Variants in FGD4 observed in about 807,000 individuals in gnomAD.
The protein encoded by FGD4 is FYVE, RhoGEF and PH domain-containing protein 4.
Under a neutral mutation model 102.0 loss-of-function variants are expected in FGD4, and 42 were observed. The observed-to-expected ratio is 0.41, with a 90% CI of 0.32 to 0.53. The LOEUF is 0.53. Ranked by LOEUF, FGD4 falls within the 20% of genes least tolerant of loss-of-function variation. The pLI, the probability that FGD4 is intolerant of heterozygous loss-of-function variation, is 0.21. For missense variants in FGD4, 902 were observed against 1,078.2 expected (o/e 0.84, Z 2.29); for synonymous variants, 380 against 375.7 (o/e 1.01, Z -0.13).
intron 1 of FGD4, among the ~76,000 whole-genome samples, chr12:32,453,220 A>ATATATATTTTATATAT (rs1391496111): frequency 1.9e-5 from 1 of 52,782 alleles, no homozygotes; most frequent in Non-Finnish European, 3.7e-5. Flanking sequence ...ATATATATAT[A>ATATATATTTTATATAT]ATATAGATAT....
At chr12:32,588,304 C>T (rs1416874637) in intron 4 of FGD4, among the ~76,000 whole-genome samples, 2 of 152,000 alleles carry the variant, frequency 1.3e-5, no homozygotes, top group Admixed American at 6.6e-5. Context: ...GGCAAGGCAC[C>T]GCAGTAAATA....
chr12:32,571,855 G>A (rs967212828), intron 2 of FGD4, among the ~76,000 whole-genome samples: 1 of 152,080 alleles, frequency 6.6e-6, no homozygotes, highest in Admixed American at 6.5e-5. Context: ...CATAGGGGGT[G>A]GGAGAGTAGA....
intron 1 of FGD4, among the ~76,000 whole-genome samples, chr12:32,559,424 A>G (rs1042255323): frequency 7.9e-5 from 12 of 152,088 alleles, no homozygotes; most frequent in Non-Finnish European, 5.9e-5. Flanking sequence ...TGTATTTGTC[A>G]TTGCCTTTTT....
At chr12:32,481,745 T>C (rs1943772259) in intron 1 of FGD4, among the ~76,000 whole-genome samples, 1 of 150,470 alleles carries the variant, frequency 6.6e-6, no homozygotes, top group South Asian at 2.1e-4. Flanking sequence ...CTCTTGAACC[T>C]GGGAGGCAGA....
intron 1 of FGD4, among the ~76,000 whole-genome samples, chr12:32,461,613 G>T (rs1390258556): frequency 6.6e-6 from 1 of 152,170 alleles, no homozygotes; most frequent in African/African-American, 2.4e-5. Flanking sequence ...CTTCCAGGGA[G>T]AATTTCAAGA....
rs181164841 is a variant in FGD4, at chr12:32,482,003, G to A, written c.166+82044G>A. 2.8e-4 allele frequency among the ~76,000 whole-genome samples: 43 copies of A among 152,238 alleles called. No individual in the cohort carries two copies. In the East Asian group the frequency reaches 8.3e-3, roughly 29 times the overall value. ...AATAAAACCCTCTATAGTAGTGCCAGTTGTCACATGTCTTGGTACCTACAC... is the reference window on the plus strand; with the variant it reads ...AATAAAACCCTCTATAGTAGTGCCAATTGTCACATGTCTTGGTACCTACAC... On this transcript the variant is annotated intron_variant, in intron 1 of 16. Coordinates refer to ENST00000534526, the MANE Select transcript of FGD4 (RefSeq NM_001370298.3).
chr12:32,500,579 G>A (rs60069665), intron 1 of FGD4, among the ~76,000 whole-genome samples: 19,307 of 151,660 alleles, frequency 0.13, 2,529 homozygotes, highest in African/African-American at 0.33. Context: ...GACTACAGGC[G>A]CCCGCCACCA....
intron 9 of FGD4, 113 bp from the exon 10 acceptor site, chr12:32,611,024 G>A: frequency 7.4e-7 from 1 of 1,346,378 alleles, no homozygotes; most frequent in Non-Finnish European, 1.0e-6. Flanking sequence ...ATATTAAAAT[G>A]TATGCTTACT....
intron 1 of FGD4, among the ~76,000 whole-genome samples, chr12:32,523,330 G>C (rs1940747520): frequency 1.3e-5 from 2 of 152,202 alleles, no homozygotes; most frequent in South Asian, 4.1e-4. Context: ...ATATTTTTAA[G>C]TGTGTGGTTC....
chr12:32,587,923 G>A (rs962314681), intron 4 of FGD4, among the ~76,000 whole-genome samples: 2 of 152,232 alleles, frequency 1.3e-5, no homozygotes, highest in Non-Finnish European at 2.9e-5. Flanking sequence ...AGAATGTTAA[G>A]AGGATGGTGC....
At chr12:32,460,261 G>A (rs79205360) in intron 1 of FGD4, among the ~76,000 whole-genome samples, 2 of 152,004 alleles carry the variant, frequency 1.3e-5, no homozygotes, top group Non-Finnish European at 2.9e-5. Context: ...CCTGTAATCC[G>A]AGGACTTTGA....
At position 32,636,616 on chromosome 12, in the gene FGD4, C is replaced by T. The variant is rs113975464; in HGVS notation, c.2314-2039C>T. Among the ~76,000 whole-genome samples, 359 of 151,762 alleles carry T rather than the reference C, an allele frequency of 2.4e-3. 2 individuals are homozygous for T. Among genetic ancestry groups the T allele is most frequent in the African/African-American group, 8.1e-3 (336 of 41,388 alleles). Reference sequence around the variant, plus strand: ...CAGATCAGTGTTTTTGTAAAATACACTGTAATGCACTTGGTTATCATCACA... The same window carrying T: ...CAGATCAGTGTTTTTGTAAAATACATTGTAATGCACTTGGTTATCATCACA... On this transcript the variant is annotated intron_variant, in intron 15 of 16. Coordinates refer to ENST00000534526, the MANE Select transcript of FGD4 (RefSeq NM_001370298.3).
chr12:32,556,071 T>C (rs953030751), intron 1 of FGD4, among the ~76,000 whole-genome samples: 7 of 152,110 alleles, frequency 4.6e-5, no homozygotes, highest in East Asian at 1.9e-4. Flanking sequence ...CAAACTCTTA[T>C]CTTAAGCAGT....
intron 1 of FGD4, among the ~76,000 whole-genome samples, chr12:32,547,988 G>A (rs1943364925): frequency 6.6e-6 from 1 of 152,188 alleles, no homozygotes; most frequent in Non-Finnish European, 1.5e-5. Flanking sequence ...TTACAGGGAT[G>A]AGCCACTGCA....
In FGD4 at chr12:32,473,087, C is replaced by G. The variant is rs1361987313; in HGVS notation, c.166+73128C>G. Among the ~76,000 whole-genome samples, 8 of 151,624 alleles carry G rather than the reference C, an allele frequency of 5.3e-5. 1 individual carries two copies. The highest frequency in any genetic ancestry group is 4.0e-4 in the Admixed American group (6 of 15,172). ...TGTCCAAACTCTGTATCTAACTAAT[C>G]TGTTGGGGACGTGGAGAACCTTTGT... On this transcript the variant is annotated intron_variant, in intron 1 of 16. Coordinates refer to ENST00000534526, the MANE Select transcript of FGD4 (RefSeq NM_001370298.3).
intron 1 of FGD4, among the ~76,000 whole-genome samples, chr12:32,550,768 A>G (rs1943601387): frequency 6.6e-6 from 1 of 151,988 alleles, no homozygotes; most frequent in East Asian, 1.9e-4. Flanking sequence ...AGCAATTGTG[A>G]TACTAGCAAA....
At chr12:32,420,516 T>C (rs1383679325) in intron 1 of FGD4, among the ~76,000 whole-genome samples, 1 of 152,096 alleles carries the variant, frequency 6.6e-6, no homozygotes, top group Non-Finnish European at 1.5e-5. Flanking sequence ...AAACCTGAAT[T>C]TCAACACAGA....
chr12:32,405,303 A>G (rs1161188885), intron 1 of FGD4, among the ~76,000 whole-genome samples: 2 of 132,078 alleles, frequency 1.5e-5, no homozygotes, highest in Non-Finnish European at 3.1e-5. Context: ...ACTCTTGTCC[A>G]GGCTGGAGTG....
At chr12:32,530,824 C>T (rs1360303167) in intron 1 of FGD4, among the ~76,000 whole-genome samples, 1 of 151,026 alleles carries the variant, frequency 6.6e-6, no homozygotes, top group African/African-American at 2.4e-5. Flanking sequence ...TTTTGTAAAT[C>T]ACAGAAAATG....
Sources: allele counts gnomAD v4.1 joint callset (sites outside exome capture counted in the v4.1 genomes callset), GRCh38; gene constraint gnomAD v4.1.1; transcripts MANE v1.5; gene names NCBI Gene and HGNC (gene_info 2026-07-23, HGNC 2026-07-21).